The following PIK3R5 variants were observed in gnomAD, a reference collection of about 807,000 sequenced individuals.
The protein encoded by PIK3R5 is phosphoinositide-3-kinase regulatory subunit 5.
A neutral mutation model predicts 94.9 loss-of-function variants in PIK3R5; 32 were observed. That is an observed-to-expected ratio of 0.34 (90% CI 0.25 to 0.45). The LOEUF is 0.45. Ranked by LOEUF, PIK3R5 falls within the 20% of genes least tolerant of loss-of-function variation. The probability of loss-of-function intolerance (pLI) is 1.00; values close to 1 mark genes in which losing one functional copy is unlikely to be tolerated. For synonymous variants in PIK3R5, 443 were observed against 479.4 expected, an observed-to-expected ratio of 0.92 and a Z score of 0.99; for missense variants, 853 against 1,144.6, an observed-to-expected ratio of 0.75 and a Z score of 3.68.
At chr17:8,942,724 GCCT>G (rs2151459049) in intron 1 of PIK3R5, among the ~76,000 whole-genome samples, 1 of 152,100 alleles carries the variant, frequency 6.6e-6, no homozygotes, top group East Asian at 1.9e-4. Context: ...TCCTGCCTCA[GCCT>G]CCTGAGTAGC....
chr17:8,899,657 C>A (rs868577919), intron 5 of PIK3R5, among the ~76,000 whole-genome samples: 1 of 152,202 alleles, frequency 6.6e-6, no homozygotes, highest in Admixed American at 6.5e-5. Flanking sequence ...CTCCTTCAAG[C>A]ATTCAAGTTC....
chr17:8,885,428 A>C, intron 14 of PIK3R5, among the ~76,000 whole-genome samples: 3 of 106,440 alleles, frequency 2.8e-5, no homozygotes, highest in African/African-American at 7.8e-5. Flanking sequence ...CCGCCTCCCC[A>C]TGGCCTCGCC....
In PIK3R5 at chr17:8,935,910, C is replaced by T. The variant is rs139141181; in HGVS notation, c.-13-24403G>A. On this transcript the variant is annotated intron_variant, in intron 1 of 18. Coordinates refer to ENST00000447110, the MANE Select transcript of PIK3R5 (RefSeq NM_001142633.3). This position sits in a 1 kb window ranked among gnomAD's most constrained non-coding sequence, Gnocchi z 4.5. Reference sequence around the variant, plus strand: ...TCTACTAAAAATACAAAAAATTAGCCGGGCGTGGTGGCGGGCACCTGTAGT... The same window carrying T: ...TCTACTAAAAATACAAAAAATTAGCTGGGCGTGGTGGCGGGCACCTGTAGT... 0.021 allele frequency among the ~76,000 whole-genome samples: 3,235 copies of T among 152,022 alleles called. 99 individuals carry two copies. Among genetic ancestry groups the T allele is most frequent in the African/African-American group, 0.071 (2,960 of 41,440 alleles).
chr17:8,915,051 T>C (rs926910273), intron 1 of PIK3R5, among the ~76,000 whole-genome samples: 1 of 152,218 alleles, frequency 6.6e-6, no homozygotes, highest in Admixed American at 6.5e-5. Context: ...CTAGAATACA[T>C]TGCCCCTCAG....
In PIK3R5 at chr17:8,882,141, G is replaced by T; in HGVS notation, c.2206-260C>A. 1 of 494,442 alleles carries T rather than the reference G, an allele frequency of 2.0e-6. No individual in the cohort carries two copies. Among genetic ancestry groups the T allele is most frequent in the Non-Finnish European group, 3.7e-6 (1 of 271,942 alleles). The allele number at this position is 494,442 out of a possible 1,614,324, so 30.6% of individuals were successfully genotyped here. On this transcript the variant is annotated intron_variant, in intron 15 of 18. Transcript: ENST00000447110. This position sits in a 1 kb window ranked among gnomAD's most constrained non-coding sequence, Gnocchi z 4.1. ...GTACAAGAGCTGAGAGCACCTGCAG[G>T]GGTGGTCCTGAAGCTCTCCTGCCGG...
At chr17:8,907,583 G>A (rs1424065128) in intron 3 of PIK3R5, among the ~76,000 whole-genome samples, 3 of 149,424 alleles carry the variant, frequency 2.0e-5, no homozygotes, top group African/African-American at 5.0e-5. Context: ...ATAAAAGTAC[G>A]ATTTTCACCA....
At chr17:8,944,446 C>T (rs1275284633) in intron 1 of PIK3R5, among the ~76,000 whole-genome samples, 2 of 152,204 alleles carry the variant, frequency 1.3e-5, no homozygotes, top group Non-Finnish European at 2.9e-5. Flanking sequence ...AAACAGGGAA[C>T]ATACTTGCTG....
At chr17:8,959,479 C>T (rs139285246) in intron 1 of PIK3R5, among the ~76,000 whole-genome samples, 15 of 152,106 alleles carry the variant, frequency 9.9e-5, no homozygotes, top group Admixed American at 2.0e-4. Context: ...TTATGGGTGA[C>T]GAGAGAGATG....
chr17:8,886,158 C>T (rs1380945517), intron 14 of PIK3R5, 71 bp downstream of exon 14: 1 of 1,208,714 alleles, frequency 8.3e-7, no homozygotes, highest in Non-Finnish European at 1.2e-6. Flanking sequence ...GGTAACCCCA[C>T]CTCCACAGAG....
rs2089969139 is a variant in PIK3R5, at chr17:8,889,507, T to C, written c.812-285A>G. On this transcript the variant is annotated intron_variant, in intron 8 of 18. Coordinates refer to ENST00000447110, the MANE Select transcript of PIK3R5 (RefSeq NM_001142633.3). The surrounding 1 kb of genome is among the most constrained non-coding windows in gnomAD (Gnocchi z 4.1). ...TTACAATGTGCCCATGGGAGAATAA[T>C]AGTACTAGCCCAGAAGGTTTTTATG... is the stretch of plus-strand genomic sequence containing the variant. Among the ~76,000 whole-genome samples the C allele has an allele frequency of 6.6e-6, 1 of 152,156 alleles. No individual in the cohort carries two copies. Among genetic ancestry groups the C allele is most frequent in the Admixed American group, 6.5e-5 (1 of 15,280 alleles).
intron 1 of PIK3R5, among the ~76,000 whole-genome samples, chr17:8,913,644 G>A (rs952362268): frequency 1.3e-5 from 2 of 152,156 alleles, no homozygotes; most frequent in East Asian, 1.9e-4. Context: ...CCCGGGAGGC[G>A]GAGGTTGCAG....
At chr17:8,901,897 CT>C (rs1223400463) in intron 5 of PIK3R5, among the ~76,000 whole-genome samples, 2 of 151,750 alleles carry the variant, frequency 1.3e-5, no homozygotes, top group African/African-American at 4.9e-5. Context: ...TGATGAACGT[CT>C]TTGTTTTGTA....
At chr17:8,887,261 G>C in intron 11 of PIK3R5, 40 bp from the exon 12 acceptor site, 1 of 1,610,984 alleles carries the variant, frequency 6.2e-7, no homozygotes, top group Non-Finnish European at 8.5e-7. Flanking sequence ...AGCTCCCCAG[G>C]AGGCCTGCCC....
rs749636113 is a variant in PIK3R5, at chr17:8,886,867, G to A, written c.1905+229C>T. Among the ~76,000 whole-genome samples, 7 of 152,062 alleles carry A rather than the reference G, an allele frequency of 4.6e-5. No individual in the cohort carries two copies. In the East Asian group the frequency reaches 5.8e-4, roughly 13 times the overall value. ...AGGGGGCTGAAATCTGAGGTCCCCCGGACCCTTCTGAGGGCCCTCCTCCAT... is the reference window on the plus strand; with the variant it reads ...AGGGGGCTGAAATCTGAGGTCCCCCAGACCCTTCTGAGGGCCCTCCTCCAT... On this transcript the variant is annotated intron_variant, in intron 12 of 18. Transcript: ENST00000447110.
Position 8,889,055 on chromosome 17 carries a change from G to T in PIK3R5, c.895+84C>A. On this transcript the variant is annotated intron_variant, in intron 9 of 18. Transcript: ENST00000447110. This position sits in a 1 kb window ranked among gnomAD's most constrained non-coding sequence, Gnocchi z 4.1. Reference sequence around the variant, plus strand: ...CTCATGTGGGAGAGCTTTGGGGACGGGGTGGGAGCTGCATGGACCCAGGAC... The same window carrying T: ...CTCATGTGGGAGAGCTTTGGGGACGTGGTGGGAGCTGCATGGACCCAGGAC... 1.3e-6 allele frequency: 2 copies of T among 1,518,766 alleles called. No individual in the cohort carries two copies. Among genetic ancestry groups the T allele is most frequent in the East Asian group, 2.3e-5 (1 of 44,228 alleles). The allele number at this position is 1,518,766 out of a possible 1,614,324, so 94.1% of individuals were successfully genotyped here.
chr17:8,923,055 G>A (rs1168939083), intron 1 of PIK3R5, among the ~76,000 whole-genome samples: 1 of 152,132 alleles, frequency 6.6e-6, no homozygotes, highest in East Asian at 1.9e-4. Flanking sequence ...AGGAGGGGAA[G>A]GAGAAAGATG....
At chr17:8,936,041 G>A (rs1237178985) in intron 1 of PIK3R5, among the ~76,000 whole-genome samples, 2 of 144,046 alleles carry the variant, frequency 1.4e-5, no homozygotes, top group Non-Finnish European at 1.5e-5. Flanking sequence ...GTGACAGACC[G>A]AGACTCCATC....
Position 8,889,314 on chromosome 17 carries a change from G to T in PIK3R5, c.812-92C>A. On this transcript the variant is annotated intron_variant, in intron 8 of 18. Coordinates refer to ENST00000447110, the MANE Select transcript of PIK3R5 (RefSeq NM_001142633.3). The surrounding 1 kb of genome is among the most constrained non-coding windows in gnomAD (Gnocchi z 4.1). Reference sequence around the variant, plus strand: ...CCCTTGCCTTGGAGAAGAGACCAGAGATGGGACAGGATCGGCACAAGGATA... The same window carrying T: ...CCCTTGCCTTGGAGAAGAGACCAGATATGGGACAGGATCGGCACAAGGATA... 1 of 878,818 alleles carries T rather than the reference G, an allele frequency of 1.1e-6. No homozygotes were observed. Among genetic ancestry groups the T allele is most frequent in the Middle Eastern group, 2.2e-4 (1 of 4,512 alleles). The allele number at this position is 878,818 out of a possible 1,614,324, so 54.4% of individuals were successfully genotyped here. A position where few individuals can be genotyped will look rare whatever the true frequency, so the allele number is the denominator to read the frequency against.
At chr17:8,964,709 G>A (rs904522334) in intron 1 of PIK3R5, among the ~76,000 whole-genome samples, 3 of 152,204 alleles carry the variant, frequency 2.0e-5, no homozygotes, top group Admixed American at 2.0e-4. Flanking sequence ...CTTACAGGTG[G>A]TCCTGAGGGC....
Sources: allele counts gnomAD v4.1 joint callset (sites outside exome capture counted in the v4.1 genomes callset), GRCh38; gene constraint gnomAD v4.1.1; non-coding constraint Gnocchi (gnomAD v3.1); transcripts MANE v1.5; gene names NCBI Gene and HGNC (gene_info 2026-07-23, HGNC 2026-07-21).